The following DPYD variants were observed in gnomAD, a reference collection of about 807,000 sequenced individuals.
The protein encoded by DPYD is dihydropyrimidine dehydrogenase.
Under a neutral mutation model 116.2 loss-of-function variants are expected in DPYD, and 109 were observed. The ratio of observed to expected loss-of-function variants is 0.94; its 90% CI spans 0.80 to 1.10. DPYD has a LOEUF of 1.10. DPYD is among the 50% of genes least tolerant of loss of function. The pLI is 0.00. For synonymous variants in DPYD, 440 were observed against 432.0 expected, an observed-to-expected ratio of 1.02 and a Z score of -0.23; for missense variants, 1,302 against 1,254.5, an observed-to-expected ratio of 1.04 and a Z score of -0.57.
intron 16 of DPYD, among the ~76,000 whole-genome samples, chr1:97,365,629 T>C (rs1283368746): frequency 6.6e-6 from 1 of 152,030 alleles, no homozygotes; most frequent in Non-Finnish European, 1.5e-5. Context: ...CCAAGTAAGT[T>C]AAAAAAATCC....
chr1:97,775,625 C>T (rs576764916), intron 3 of DPYD, among the ~76,000 whole-genome samples: 7 of 152,258 alleles, frequency 4.6e-5, no homozygotes, highest in Non-Finnish European at 7.4e-5. Flanking sequence ...TAACTCTGCT[C>T]TGTTTTTACT....
At chr1:97,479,232 C>T (rs573431992) in intron 13 of DPYD, among the ~76,000 whole-genome samples, 2 of 152,260 alleles carry the variant, frequency 1.3e-5, no homozygotes, top group African/African-American at 2.4e-5. Context: ...TATCGGTTTT[C>T]GAAATGCCAC....
chr1:97,691,440 T>C, intron 7 of DPYD: 1 of 329,998 alleles, frequency 3.0e-6, no homozygotes, highest in African/African-American at 2.1e-5. Flanking sequence ...TTAGCTGCAC[T>C]GAACCCCTAA....
At chr1:97,388,975 A>C (rs779052656) in intron 14 of DPYD, among the ~76,000 whole-genome samples, 6 of 152,070 alleles carry the variant, frequency 3.9e-5, no homozygotes, top group Non-Finnish European at 7.4e-5. Context: ...TAGAGAGAGA[A>C]ACAAATAAGT....
At chr1:97,228,458 A>G (rs1236626545) in intron 19 of DPYD, among the ~76,000 whole-genome samples, 1 of 152,164 alleles carries the variant, frequency 6.6e-6, no homozygotes, top group Non-Finnish European at 1.5e-5. Flanking sequence ...GAACTCACTT[A>G]ATTACATAAG....
intron 19 of DPYD, among the ~76,000 whole-genome samples, chr1:97,223,952 AT>A (rs1249095321): frequency 6.6e-6 from 1 of 152,056 alleles, no homozygotes; most frequent in Non-Finnish European, 1.5e-5. Flanking sequence ...CCTCAAAAAG[AT>A]TTCAAGACCT....
intron 19 of DPYD, among the ~76,000 whole-genome samples, chr1:97,224,938 T>C (rs936285899): frequency 5.3e-5 from 8 of 152,026 alleles, no homozygotes; most frequent in African/African-American, 1.9e-4. Context: ...TTCCATATCT[T>C]GGCTATTGTG....
chr1:97,859,971 C>A (rs1251856259), intron 2 of DPYD, among the ~76,000 whole-genome samples: 2 of 151,312 alleles, frequency 1.3e-5, no homozygotes, highest in African/African-American at 4.9e-5. Context: ...TATTTGTAAC[C>A]ATTTGATATT....
intron 20 of DPYD, among the ~76,000 whole-genome samples, chr1:97,131,802 T>C (rs959490278): frequency 2.6e-5 from 4 of 152,098 alleles, no homozygotes; most frequent in Non-Finnish European, 5.9e-5. Context: ...AGAAAATCCA[T>C]GAACAAAACC....
At chr1:97,869,025 CT>C in intron 2 of DPYD, among the ~76,000 whole-genome samples, 1 of 151,888 alleles carries the variant, frequency 6.6e-6, no homozygotes, top group Non-Finnish European at 1.5e-5. Context: ...CCTCTATCTT[CT>C]CTCTCCTCAG....
rs568277353 is a variant in DPYD at position 97,591,639 on chromosome 1, T to C, written c.1128+1579A>G. Among the ~76,000 whole-genome samples the C allele has an allele frequency of 3.5e-3, 538 of 152,308 alleles. 3 individuals are homozygous for C. Among genetic ancestry groups the C allele is most frequent in the South Asian group, 0.019 (90 of 4,826 alleles). On this transcript the variant is annotated intron_variant, in intron 10 of 22. Coordinates refer to ENST00000370192, the MANE Select transcript of DPYD (RefSeq NM_000110.4). ...ACTATGATATAAAATGTGAAGTAAATTGATATTGCCAATCAGTGTCATCTT... is the reference window on the plus strand; with the variant it reads ...ACTATGATATAAAATGTGAAGTAAACTGATATTGCCAATCAGTGTCATCTT...
chr1:97,723,191 T>A lies in DPYD; in HGVS notation c.322-1520A>T, dbSNP rs551739745. On this transcript the variant is annotated intron_variant, in intron 4 of 22. Coordinates refer to ENST00000370192, the MANE Select transcript of DPYD (RefSeq NM_000110.4). The stretch of plus-strand genomic sequence containing the variant: ...AGTATTTGTCTTGTTCAGTGTCCCT[T>A]CAGCAATGAAAGTTATGTCTGCCAT... Among the ~76,000 whole-genome samples the A allele has an allele frequency of 2.6e-5, 4 of 151,678 alleles. No individual in the cohort carries two copies. The East Asian group carries it at 7.7e-4, about 29-fold the overall frequency.
At chr1:97,371,876 A>G (rs1390826029) in intron 16 of DPYD, among the ~76,000 whole-genome samples, 2 of 152,180 alleles carry the variant, frequency 1.3e-5, no homozygotes, top group African/African-American at 4.8e-5. Flanking sequence ...CCAAGATATC[A>G]TGGTTTTTGG....
chr1:97,432,031 T>C (rs959482014), intron 14 of DPYD, among the ~76,000 whole-genome samples: 2 of 152,174 alleles, frequency 1.3e-5, no homozygotes, highest in African/African-American at 4.8e-5. Flanking sequence ...TTGTTGCAAA[T>C]GATAGAATTT....
intron 20 of DPYD, among the ~76,000 whole-genome samples, chr1:97,165,625 G>A (rs1656265993): frequency 6.6e-6 from 1 of 152,122 alleles, no homozygotes; most frequent in Non-Finnish European, 1.5e-5. Context: ...TGTCAACAGA[G>A]TAAACAGAAA....
chr1:97,573,901 C>G lies in DPYD; in HGVS notation c.1198G>C (p.Gly400Arg), dbSNP rs1304657594. Residue 400 changes from glycine (G) to arginine (R), a missense_variant, in exon 11 of 23, where the codon GGT (glycine) becomes CGT (arginine). Coordinates refer to ENST00000370192, the MANE Select transcript of DPYD (RefSeq NM_000110.4). ...FLSPRKVIVK[G>R]GRIVAMQFVR... ...AACTGCATAGCAACAATTCTCCCAC[C>G]TTTTACTATAACCTTCCGTGGGGAC... The G allele has an allele frequency of 1.2e-6, 2 of 1,613,720 alleles. No homozygotes were observed. The highest frequency in any genetic ancestry group is 2.2e-5 in the South Asian group (2 of 91,076).
At chr1:97,214,655 A>G (rs1216943590) in intron 19 of DPYD, among the ~76,000 whole-genome samples, 7 of 152,316 alleles carry the variant, frequency 4.6e-5, no homozygotes, top group Non-Finnish European at 1.0e-4. Context: ...CCAATGCATG[A>G]CAGAAGGCAG....
At chr1:97,187,591 A>T (rs1435223983) in intron 20 of DPYD, among the ~76,000 whole-genome samples, 2 of 151,680 alleles carry the variant, frequency 1.3e-5, no homozygotes, top group Non-Finnish European at 2.9e-5. Flanking sequence ...CCATTTGTCT[A>T]TTTTTGGTTT....
At chr1:97,164,563 A>C (rs1224992867) in intron 20 of DPYD, among the ~76,000 whole-genome samples, 3 of 152,166 alleles carry the variant, frequency 2.0e-5, no homozygotes, top group African/African-American at 7.2e-5. Flanking sequence ...TCAGCTGATA[A>C]ACCTCTTCTG....
Sources: gnomAD v4.1 joint callset for allele counts (sites outside exome capture counted in the v4.1 genomes callset) on GRCh38, gnomAD v4.1.1 for gene constraint, MANE v1.5 for transcripts, NCBI Gene and HGNC (gene_info 2026-07-23, HGNC 2026-07-21) for gene names.